The following PARD3 variants were observed in gnomAD, a reference collection of about 807,000 sequenced individuals.
PARD3 encodes par-3 family cell polarity regulator.
PARD3 carries 75 observed loss-of-function variants against 155.4 expected under a neutral mutation model. The ratio of observed to expected loss-of-function variants is 0.48; its 90% CI spans 0.40 to 0.58. The LOEUF (loss-of-function observed/expected upper bound fraction) is 0.58, where lower values mean the gene tolerates loss of function less well. Among genes scored for constraint, PARD3 ranks in the 20% least tolerant of loss-of-function variants. The pLI is 0.00. For missense variants in PARD3, 1,642 were observed against 1,721.7 expected, an observed-to-expected ratio of 0.95 and a Z score of 0.82; for synonymous variants, 576 against 610.5, an observed-to-expected ratio of 0.94 and a Z score of 0.83.
At chr10:34,492,903 C>T (rs773307839) in intron 3 of PARD3, among the ~76,000 whole-genome samples, 11 of 152,168 alleles carry the variant, frequency 7.2e-5, no homozygotes, top group East Asian at 1.9e-4. Flanking sequence ...ATCGCTAAAG[C>T]GTTTTTCTGA....
intron 21 of PARD3, among the ~76,000 whole-genome samples, chr10:34,283,524 T>C (rs971263246): frequency 8.5e-5 from 13 of 152,152 alleles, no homozygotes; most frequent in African/African-American, 1.7e-4. Flanking sequence ...ATTCCTTTCA[T>C]TGGTCTTTAA....
chr10:34,630,593 T>G (rs917326007), intron 2 of PARD3, among the ~76,000 whole-genome samples: 1 of 151,780 alleles, frequency 6.6e-6, no homozygotes, highest in Non-Finnish European at 1.5e-5. Context: ...GGGGACTACA[T>G]GCACAAGCCA....
chr10:34,413,144 T>TACAC (rs146779470), intron 5 of PARD3, among the ~76,000 whole-genome samples: 2,457 of 145,940 alleles, frequency 0.017, 22 homozygotes, highest in Non-Finnish European at 0.021. Flanking sequence ...CAGATATATA[T>TACAC]ACACACACAC....
chr10:34,667,153 G>T (rs2093507615), intron 2 of PARD3, among the ~76,000 whole-genome samples: 1 of 152,094 alleles, frequency 6.6e-6, no homozygotes, highest in South Asian at 2.1e-4. Context: ...GGCCAACATA[G>T]AACAGGTAGT....
At chr10:34,807,520 C>A (rs1261650001) in intron 1 of PARD3, among the ~76,000 whole-genome samples, 1 of 152,170 alleles carries the variant, frequency 6.6e-6, no homozygotes, top group Non-Finnish European at 1.5e-5. Flanking sequence ...GTCTCCATGA[C>A]TCCAAACTCC....
At chr10:34,613,765 T>C (rs542061931) in intron 2 of PARD3, among the ~76,000 whole-genome samples, 1 of 152,314 alleles carries the variant, frequency 6.6e-6, no homozygotes, top group African/African-American at 2.4e-5. Flanking sequence ...TCTCCGGAGA[T>C]CAGCTTCCAA....
In PARD3 at chr10:34,331,149, G is replaced by A. The variant is rs16935326; in HGVS notation, c.2801C>T (p.Ala934Val). ...AAIDKSYDKP[A>V]VDDDDEGMET... ...CATGCCTTCATCATCATCATCTACCGCGGGTTTATCATAAGATTTGTCGAT... is the reference window on the plus strand; with the variant it reads ...CATGCCTTCATCATCATCATCTACCACGGGTTTATCATAAGATTTGTCGAT... The change falls in exon 19 of 25, where the codon GCG (alanine) becomes GTG (valine). Residue 934 changes from alanine (A) to valine (V), a missense_variant. By Grantham distance (64) the Ala-to-Val change is moderately conservative. Coordinates refer to ENST00000374788, the MANE Select transcript of PARD3 (RefSeq NM_001184785.2). 2.2e-3 allele frequency: 3,542 copies of A among 1,613,612 alleles called. 14 individuals are homozygous for A. The highest frequency in any genetic ancestry group is 0.01 in the Middle Eastern group (61 of 6,058).
At chr10:34,600,183 A>AC (rs1432359863) in intron 2 of PARD3, among the ~76,000 whole-genome samples, 6 of 150,802 alleles carry the variant, frequency 4.0e-5, no homozygotes, top group Non-Finnish European at 7.4e-5. Context: ...AAAAATACAA[A>AC]AAAAAAAAAA....
chr10:34,771,542 GA>G (rs1838861245), intron 1 of PARD3, among the ~76,000 whole-genome samples: 1 of 152,242 alleles, frequency 6.6e-6, no homozygotes, highest in East Asian at 1.9e-4. Flanking sequence ...TTTTAAAACA[GA>G]AAAGTTACAC....
At chr10:34,336,883 T>C (rs1168264405) in intron 17 of PARD3, among the ~76,000 whole-genome samples, 1 of 152,138 alleles carries the variant, frequency 6.6e-6, no homozygotes, top group Non-Finnish European at 1.5e-5. Context: ...ATTGAGATAA[T>C]GGTTTCTCTC....
chr10:34,503,408 T>A (rs1210650350), intron 3 of PARD3, among the ~76,000 whole-genome samples: 2 of 152,204 alleles, frequency 1.3e-5, no homozygotes, highest in East Asian at 3.8e-4. Context: ...TCTAACTGTA[T>A]TTTCTCATCT....
Position 34,629,211 on chromosome 10 carries a change from G to A in PARD3, c.222+67107C>T, listed in dbSNP as rs140017871. ...AAGCCTGTGTGTGATTTACTGCCCCGGACTCTCATATTAAACATTTTCAAT... is the reference window on the plus strand; with the variant it reads ...AAGCCTGTGTGTGATTTACTGCCCCAGACTCTCATATTAAACATTTTCAAT... On this transcript the variant is annotated intron_variant, in intron 2 of 24. Transcript: ENST00000374788. Among the ~76,000 whole-genome samples, 311 of 152,176 alleles carry A rather than the reference G, an allele frequency of 2.0e-3. 1 individual carries two copies. Among genetic ancestry groups the A allele is most frequent in the Non-Finnish European group, 3.4e-3 (231 of 68,006 alleles).
intron 3 of PARD3, among the ~76,000 whole-genome samples, chr10:34,515,744 A>G (rs1322713174): frequency 6.6e-6 from 1 of 152,200 alleles, no homozygotes; most frequent in Non-Finnish European, 1.5e-5. Flanking sequence ...AATGCAAAAA[A>G]AGGGAATTAG....
intron 1 of PARD3, among the ~76,000 whole-genome samples, chr10:34,758,456 C>T (rs1442659547): frequency 6.6e-6 from 1 of 152,144 alleles, no homozygotes; most frequent in African/African-American, 2.4e-5. Flanking sequence ...GCCTCATAAC[C>T]ATCTGCAGAA....
chr10:34,242,722 T>G (rs141512385), intron 22 of PARD3, among the ~76,000 whole-genome samples: 4 of 152,036 alleles, frequency 2.6e-5, no homozygotes, highest in African/African-American at 4.8e-5. Context: ...TCATTTGAGG[T>G]CAGGAGTTCG....
intron 7 of PARD3, among the ~76,000 whole-genome samples, chr10:34,385,968 A>G (rs1294847951): frequency 2.0e-5 from 3 of 152,234 alleles, no homozygotes; most frequent in Admixed American, 2.0e-4. Flanking sequence ...ATTTAGATTC[A>G]GATTCTTTCT....
chr10:34,493,296 T>C (rs1589768786), intron 3 of PARD3, among the ~76,000 whole-genome samples: 2 of 152,232 alleles, frequency 1.3e-5, no homozygotes, highest in Admixed American at 1.3e-4. Flanking sequence ...CTTATTCCAA[T>C]GTCTTCAATC....
At position 34,425,437 on chromosome 10, in the gene PARD3, A is replaced by G. The variant is rs538980927; in HGVS notation, c.715-23520T>C. On this transcript the variant is annotated intron_variant, in intron 5 of 24. Coordinates refer to ENST00000374788, the MANE Select transcript of PARD3 (RefSeq NM_001184785.2). ...TTTGCTTTTCTTTTCTTTTTTGGAG[A>G]TAGGGTCTCGCTCTGTGGCACAATC... Among the ~76,000 whole-genome samples, 5 of 152,164 alleles carry G rather than the reference A, an allele frequency of 3.3e-5. No homozygotes were observed. In the South Asian group the frequency reaches 1.0e-3, roughly 32 times the overall value.
At chr10:34,355,969 A>C (rs1838829290) in intron 14 of PARD3, among the ~76,000 whole-genome samples, 1 of 150,746 alleles carries the variant, frequency 6.6e-6, no homozygotes, top group Non-Finnish European at 1.5e-5. Flanking sequence ...AAACAAAAAA[A>C]CAGACAACAG....
Sources: allele counts gnomAD v4.1 joint callset (sites outside exome capture counted in the v4.1 genomes callset), GRCh38; gene constraint gnomAD v4.1.1; transcripts MANE v1.5; gene names NCBI Gene and HGNC (gene_info 2026-07-23, HGNC 2026-07-21).